The following NKAIN2 variants were observed in gnomAD, a reference collection of about 807,000 sequenced individuals.
NKAIN2 encodes the protein sodium/potassium-transporting ATPase subunit beta-1-interacting protein 2.
Under a neutral mutation model 32.6 loss-of-function variants are expected in NKAIN2, and 14 were observed. The observed-to-expected ratio is 0.43, with a 90% confidence interval of 0.28 to 0.67. NKAIN2 has a LOEUF of 0.67. Among genes scored for constraint, NKAIN2 ranks in the 30% least tolerant of loss-of-function variants. The pLI, the probability that NKAIN2 is intolerant of heterozygous loss-of-function variation, is 0.17. For synonymous variants in NKAIN2, 80 were observed against 87.2 expected (o/e 0.92, Z 0.46); for missense variants, 198 against 258.3 (o/e 0.77, Z 1.60).
At position 124,199,904 on chromosome 6, in the gene NKAIN2, C is replaced by A. The variant is rs552646815; in HGVS notation, c.55-83101C>A. Among the ~76,000 whole-genome samples the A allele has an allele frequency of 3.3e-5, 5 of 152,052 alleles. No individual in the cohort carries two copies. In the East Asian group the frequency reaches 9.7e-4, roughly 29 times the overall value. The stretch of plus-strand genomic sequence containing the variant: ...TGGAGAAACAAAACAAATATATCAT[C>A]GAGAAAAAGTATAGTGTTGAACTAA... On this transcript the variant is annotated intron_variant, in intron 1 of 6. Coordinates refer to ENST00000368417, the MANE Select transcript of NKAIN2 (RefSeq NM_001040214.3).
At chr6:124,137,929 A>G (rs1163411471) in intron 1 of NKAIN2, among the ~76,000 whole-genome samples, 1 of 152,170 alleles carries the variant, frequency 6.6e-6, no homozygotes, top group Admixed American at 6.6e-5. Context: ...TAACATTGGT[A>G]AAACTCTTGT....
chr6:123,813,965 A>C (rs1056709331), intron 1 of NKAIN2, among the ~76,000 whole-genome samples: 3 of 151,390 alleles, frequency 2.0e-5, no homozygotes, highest in Admixed American at 6.6e-5. Flanking sequence ...AATGTATAGG[A>C]TTATGTGTTT....
At chr6:124,545,972 T>G (rs959169265) in intron 3 of NKAIN2, among the ~76,000 whole-genome samples, 1 of 152,102 alleles carries the variant, frequency 6.6e-6, no homozygotes, top group Non-Finnish European at 1.5e-5. Flanking sequence ...GCTTCAACTT[T>G]TTTAATGTTT....
chr6:124,505,572 A>G (rs1378529567), intron 3 of NKAIN2, among the ~76,000 whole-genome samples: 1 of 152,206 alleles, frequency 6.6e-6, no homozygotes, highest in African/African-American at 2.4e-5. Context: ...GCTAAGCTAG[A>G]AAATATGTTC....
At chr6:124,368,554 A>G (rs1799619423) in intron 3 of NKAIN2, among the ~76,000 whole-genome samples, 1 of 152,112 alleles carries the variant, frequency 6.6e-6, no homozygotes, top group Non-Finnish European at 1.5e-5. Flanking sequence ...CCCCCTGAGC[A>G]TCAGCAAAGT....
chr6:123,887,576 T>C (rs1773786233), intron 1 of NKAIN2, among the ~76,000 whole-genome samples: 1 of 152,112 alleles, frequency 6.6e-6, no homozygotes, highest in Admixed American at 6.6e-5. Flanking sequence ...GCACACCCAG[T>C]TTTTGGCACC....
chr6:123,949,381 T>C (rs1318066526), intron 1 of NKAIN2, among the ~76,000 whole-genome samples: 1 of 152,048 alleles, frequency 6.6e-6, no homozygotes, highest in South Asian at 2.1e-4. Flanking sequence ...AATCTGTAGA[T>C]TGCTTTGGGC....
At chr6:124,394,266 A>G (rs1227612721) in intron 3 of NKAIN2, among the ~76,000 whole-genome samples, 1 of 152,108 alleles carries the variant, frequency 6.6e-6, no homozygotes, top group Admixed American at 6.6e-5. Context: ...TGTTTTCTCC[A>G]GCTTTTGTAG....
At chr6:124,021,016 A>G (rs1341087509) in intron 1 of NKAIN2, among the ~76,000 whole-genome samples, 1 of 152,154 alleles carries the variant, frequency 6.6e-6, no homozygotes, top group Non-Finnish European at 1.5e-5. Flanking sequence ...ATCACTCCTC[A>G]TTCATTTACT....
intron 1 of NKAIN2, among the ~76,000 whole-genome samples, chr6:124,072,525 C>G (rs779114372): frequency 1.1e-4 from 17 of 152,040 alleles, no homozygotes; most frequent in African/African-American, 3.9e-4. Context: ...TTCATTTTCC[C>G]CTGTCATTCT....
At chr6:124,709,603 C>T (rs1775320624) in intron 4 of NKAIN2, among the ~76,000 whole-genome samples, 2 of 149,808 alleles carry the variant, frequency 1.3e-5, no homozygotes, top group South Asian at 2.1e-4. Context: ...TCCATTTCTT[C>T]TAGATTTTCT....
At chr6:124,291,930 C>T (rs1205626669) in intron 2 of NKAIN2, among the ~76,000 whole-genome samples, 10 of 152,158 alleles carry the variant, frequency 6.6e-5, no homozygotes. Flanking sequence ...TTTCAGCAGA[C>T]TCAGTTGTCA....
At chr6:124,608,293 C>T (rs956117522) in intron 3 of NKAIN2, among the ~76,000 whole-genome samples, 1 of 152,160 alleles carries the variant, frequency 6.6e-6, no homozygotes, top group African/African-American at 2.4e-5. Context: ...ACTCCCTCTG[C>T]CTCCAGCACT....
At chr6:124,464,423 A>T (rs1365552920) in intron 3 of NKAIN2, among the ~76,000 whole-genome samples, 1 of 148,878 alleles carries the variant, frequency 6.7e-6, no homozygotes, top group Non-Finnish European at 1.5e-5. Flanking sequence ...GCCATGAATT[A>T]TAAGCTTTTT....
intron 1 of NKAIN2, among the ~76,000 whole-genome samples, chr6:124,165,331 T>C (rs1409028965): frequency 1.3e-5 from 2 of 152,180 alleles, no homozygotes; most frequent in Non-Finnish European, 2.9e-5. Context: ...ATGTTGCTAA[T>C]AGGCAGGAAT....
At chr6:124,593,205 T>TTGTGTGTGTGTGTGTG (rs10526889) in intron 3 of NKAIN2, among the ~76,000 whole-genome samples, 1 of 149,898 alleles carries the variant, frequency 6.7e-6, no homozygotes, top group Non-Finnish European at 1.5e-5. Context: ...GATGAGAGTT[T>TTGTGTGTGTGTGTGTG]TGTGTGTGTG....
chr6:124,452,195 GAA>G (rs11300457), intron 3 of NKAIN2, among the ~76,000 whole-genome samples: 9,580 of 133,332 alleles, frequency 0.072, 387 homozygotes, highest in African/African-American at 0.092. Flanking sequence ...ACATCATCTC[GAA>G]AAAAAAAAAA....
chr6:124,298,467 T>C (rs1327722023), intron 2 of NKAIN2, among the ~76,000 whole-genome samples: 1 of 152,116 alleles, frequency 6.6e-6, no homozygotes, highest in Non-Finnish European at 1.5e-5. Context: ...TCAAGATAAA[T>C]ATCATGTGTG....
intron 4 of NKAIN2, among the ~76,000 whole-genome samples, chr6:124,773,963 G>C (rs1262070753): frequency 6.6e-6 from 1 of 152,158 alleles, no homozygotes; most frequent in Non-Finnish European, 1.5e-5. Context: ...AGGAGAACAA[G>C]AGGAGGAGAT....
Sources: gnomAD v4.1 joint callset for allele counts (sites outside exome capture counted in the v4.1 genomes callset) on GRCh38, gnomAD v4.1.1 for gene constraint, MANE v1.5 for transcripts, NCBI Gene and HGNC (gene_info 2026-07-23, HGNC 2026-07-21) for gene names.